Variants in FHIT observed in about 807,000 individuals in gnomAD.
FHIT encodes the protein bis(5'-adenosyl)-triphosphatase.
A neutral mutation model predicts 17.9 loss-of-function variants in FHIT; 19 were observed. The ratio of observed to expected loss-of-function variants is 1.06; its 90% CI spans 0.74 to 1.56. The LOEUF is 1.56. Among genes scored for constraint, FHIT ranks in the 40% most tolerant of loss-of-function variants. The pLI is 0.00. For synonymous variants in FHIT, 81 were observed against 69.7 expected, an observed-to-expected ratio of 1.16 and a Z score of -0.81; for missense variants, 248 against 189.2, an observed-to-expected ratio of 1.31 and a Z score of -1.82.
chr3:60,738,262 T>C (rs1433690612), intron 4 of FHIT, among the ~76,000 whole-genome samples: 3 of 152,192 alleles, frequency 2.0e-5, no homozygotes, highest in Non-Finnish European at 4.4e-5. Flanking sequence ...AAGTCCATAA[T>C]ATGGCTTATA....
chr3:60,854,553 C>CTG (rs1369342573), intron 3 of FHIT, among the ~76,000 whole-genome samples: 1 of 60,622 alleles, frequency 1.6e-5, no homozygotes, highest in Non-Finnish European at 3.4e-5. Context: ...CAGCCTACTT[C>CTG]TATTTTTTTT....
chr3:60,445,889 C>T (rs2031298988), intron 5 of FHIT, among the ~76,000 whole-genome samples: 1 of 152,110 alleles, frequency 6.6e-6, no homozygotes. Context: ...GTAATAGCCA[C>T]TCTTCAAGAC....
At chr3:59,957,608 A>C (rs1707467948) in intron 7 of FHIT, among the ~76,000 whole-genome samples, 1 of 152,224 alleles carries the variant, frequency 6.6e-6, no homozygotes, top group African/African-American at 2.4e-5. Flanking sequence ...TGATGAATGT[A>C]ATAACATCTC....
At chr3:60,284,255 A>T (rs1025454384) in intron 5 of FHIT, among the ~76,000 whole-genome samples, 1 of 152,208 alleles carries the variant, frequency 6.6e-6, no homozygotes, top group African/African-American at 2.4e-5. Context: ...GAATCGTAAC[A>T]GTACAATGTG....
At chr3:61,031,361 A>T (rs2033002368) in intron 3 of FHIT, among the ~76,000 whole-genome samples, 1 of 152,224 alleles carries the variant, frequency 6.6e-6, no homozygotes, top group African/African-American at 2.4e-5. Flanking sequence ...CATCTTTGCT[A>T]TAAAACTTTT....
intron 1 of FHIT, among the ~76,000 whole-genome samples, chr3:61,230,242 T>A (rs1251145312): frequency 6.6e-6 from 1 of 152,118 alleles, no homozygotes; most frequent in African/African-American, 2.4e-5. Context: ...GGTAATTGGA[T>A]GATGGGGGTG....
chr3:60,750,395 T>C (rs891778794), intron 4 of FHIT, among the ~76,000 whole-genome samples: 8 of 152,150 alleles, frequency 5.3e-5, no homozygotes, highest in African/African-American at 1.7e-4. Flanking sequence ...ACCCAAATCT[T>C]ATCTTGAATT....
chr3:60,728,913 TA>T, intron 4 of FHIT, among the ~76,000 whole-genome samples: 1 of 152,328 alleles, frequency 6.6e-6, no homozygotes. Flanking sequence ...TACAAATAAC[TA>T]ATATACATCA....
chr3:60,850,750 C>G (rs1553748054), intron 3 of FHIT, among the ~76,000 whole-genome samples: 1 of 152,132 alleles, frequency 6.6e-6, no homozygotes. Context: ...AGCTGCTATA[C>G]TGAAGGCTTT....
chr3:60,956,263 A>T (rs1709153290), intron 3 of FHIT, among the ~76,000 whole-genome samples: 1 of 152,194 alleles, frequency 6.6e-6, no homozygotes, highest in Non-Finnish European at 1.5e-5. Flanking sequence ...CCCAACCTGA[A>T]GTGTTCAAGT....
intron 4 of FHIT, among the ~76,000 whole-genome samples, chr3:60,781,708 G>A (rs1186990356): frequency 6.6e-6 from 1 of 151,990 alleles, no homozygotes; most frequent in Non-Finnish European, 1.5e-5. Context: ...AGCCTTTTAG[G>A]GAAGCTTAAG....
At chr3:59,876,458 C>CT (rs1284073944) in intron 8 of FHIT, among the ~76,000 whole-genome samples, 2 of 151,080 alleles carry the variant, frequency 1.3e-5, no homozygotes, top group African/African-American at 2.4e-5. Context: ...GGAGCAGCAC[C>CT]CCTCCCCAGC....
chr3:60,130,973 A>ATATATATACACATATATACACATGTG (rs1559661207), intron 5 of FHIT, among the ~76,000 whole-genome samples: 1 of 122,988 alleles, frequency 8.1e-6, no homozygotes, highest in East Asian at 2.3e-4. Context: ...GTAGAAAGGT[A>ATATATATACACATATATACACATGTG]TATATATACA....
At chr3:59,976,236 T>A (rs762386722) in intron 7 of FHIT, among the ~76,000 whole-genome samples, 7 of 152,072 alleles carry the variant, frequency 4.6e-5, no homozygotes, top group Non-Finnish European at 1.0e-4. Context: ...GAGCAAATGC[T>A]TTAGATAAAA....
intron 5 of FHIT, among the ~76,000 whole-genome samples, chr3:60,419,393 A>C (rs1307123429): frequency 2.0e-5 from 3 of 152,188 alleles, no homozygotes; most frequent in African/African-American, 7.2e-5. Flanking sequence ...TAATTTGCCA[A>C]ATGTTAAACA....
At position 60,781,094 on chromosome 3, in the gene FHIT, A is replaced by G. The variant is rs146387840; in HGVS notation, c.-18+40825T>C. ...CCTGCAACACCTCCAACAACTAACAATTGTTTCCAGTGCACCTCCATTCTC... is the reference window on the plus strand; with the variant it reads ...CCTGCAACACCTCCAACAACTAACAGTTGTTTCCAGTGCACCTCCATTCTC... On this transcript the variant is annotated intron_variant, in intron 4 of 9. Coordinates refer to ENST00000492590, the MANE Select transcript of FHIT (RefSeq NM_002012.4). 7.9e-4 allele frequency among the ~76,000 whole-genome samples: 121 copies of G among 152,292 alleles called. 1 individual carries two copies. Among genetic ancestry groups the G allele is most frequent in the Middle Eastern group, 3.4e-3 (1 of 294 alleles).
chr3:61,100,720 C>G (rs2035792913), intron 2 of FHIT, among the ~76,000 whole-genome samples: 5 of 152,210 alleles, frequency 3.3e-5, no homozygotes, highest in African/African-American at 1.2e-4. Flanking sequence ...TTTCCAGCAT[C>G]TGTTGTTCCT....
intron 4 of FHIT, among the ~76,000 whole-genome samples, chr3:60,695,976 G>T (rs1040847134): frequency 6.6e-6 from 1 of 152,196 alleles, no homozygotes; most frequent in South Asian, 2.1e-4. Flanking sequence ...CAAGGGCTTT[G>T]TACGGAGGAA....
chr3:60,855,413 T>G (rs1703340709), intron 3 of FHIT, among the ~76,000 whole-genome samples: 1 of 152,110 alleles, frequency 6.6e-6, no homozygotes, highest in Non-Finnish European at 1.5e-5. Flanking sequence ...CTGTTTTAGA[T>G]GCTGTCATGT....
Sources: allele counts gnomAD v4.1 joint callset (sites outside exome capture counted in the v4.1 genomes callset), GRCh38; gene constraint gnomAD v4.1.1; transcripts MANE v1.5; gene names NCBI Gene and HGNC (gene_info 2026-07-23, HGNC 2026-07-21).